The following PDE4B variants were observed in gnomAD, a reference collection of about 807,000 sequenced individuals.
PDE4B encodes the protein 3',5'-cyclic-AMP phosphodiesterase 4B.
Under a neutral mutation model 82.2 loss-of-function variants are expected in PDE4B, and 20 were observed. That is an observed-to-expected ratio of 0.24 (90% confidence interval 0.17 to 0.35). The LOEUF (loss-of-function observed/expected upper bound fraction) is 0.35. PDE4B is among the 10% of genes least tolerant of loss of function. The probability of loss-of-function intolerance (pLI) is 1.00; values close to 1 mark genes in which losing one functional copy is unlikely to be tolerated. For synonymous variants in PDE4B, 320 were observed against 318.9 expected (o/e 1.00, Z -0.04); for missense variants, 655 against 907.2 (o/e 0.72, Z 3.57).
intron 3 of PDE4B, among the ~76,000 whole-genome samples, chr1:66,246,812 C>G (rs981136858): frequency 2.0e-5 from 3 of 152,232 alleles, no homozygotes; most frequent in African/African-American, 7.2e-5. Context: ...AGACAAAGCT[C>G]TGCAGCCTTG....
intron 3 of PDE4B, among the ~76,000 whole-genome samples, chr1:66,185,922 T>C (rs1327062577): frequency 6.6e-6 from 1 of 152,186 alleles, no homozygotes; most frequent in East Asian, 1.9e-4. Flanking sequence ...TGCCTATGTC[T>C]TGAATGGCAT....
At chr1:65,814,987 A>G (rs1645864041) in intron 1 of PDE4B, among the ~76,000 whole-genome samples, 1 of 151,626 alleles carries the variant, frequency 6.6e-6, no homozygotes, top group South Asian at 2.1e-4. Flanking sequence ...TTTCCCAGCA[A>G]AAGTGTGTTC....
intron 1 of PDE4B, among the ~76,000 whole-genome samples, chr1:65,899,615 G>GTA (rs376060923): frequency 0.025 from 3,702 of 146,052 alleles, 143 homozygotes; most frequent in African/African-American, 0.086. Context: ...CGTTACATAT[G>GTA]TATATATATA....
intron 3 of PDE4B, among the ~76,000 whole-genome samples, chr1:66,233,712 G>C (rs949281422): frequency 1.4e-5 from 2 of 146,388 alleles, no homozygotes; most frequent in Non-Finnish European, 3.0e-5. Context: ...GTGTGTGTGT[G>C]TATAAAGGAT....
chr1:66,116,538 A>G (rs2101065316), intron 3 of PDE4B, among the ~76,000 whole-genome samples: 1 of 152,242 alleles, frequency 6.6e-6, no homozygotes, highest in East Asian at 1.9e-4. Context: ...TGAGGGTGTC[A>G]ACATCCGGAG....
At chr1:66,266,647 A>C (rs766045210) in intron 7 of PDE4B, 1 of 501,136 alleles carries the variant, frequency 2.0e-6, no homozygotes, top group Non-Finnish European at 4.0e-6. Flanking sequence ...TTTGTTTTTT[A>C]AGAACCTAAC....
chr1:65,981,609 T>G (rs1650693539), intron 3 of PDE4B, among the ~76,000 whole-genome samples: 1 of 151,996 alleles, frequency 6.6e-6, no homozygotes, highest in Non-Finnish European at 1.5e-5. Context: ...CAGATGTTTT[T>G]GGGTTCCAAT....
intron 3 of PDE4B, among the ~76,000 whole-genome samples, chr1:65,964,047 A>G (rs1359218896): frequency 6.6e-6 from 1 of 152,182 alleles, no homozygotes; most frequent in Non-Finnish European, 1.5e-5. Context: ...TGATAAGAAT[A>G]AAAAATATTT....
At chr1:66,209,430 G>GT (rs2101569651) in intron 3 of PDE4B, among the ~76,000 whole-genome samples, 1 of 152,212 alleles carries the variant, frequency 6.6e-6, no homozygotes, top group South Asian at 2.1e-4. Flanking sequence ...AGACCCAGCT[G>GT]TTTGTCTCCG....
chr1:66,249,987 A>G (rs1653626486), intron 4 of PDE4B, among the ~76,000 whole-genome samples: 1 of 152,186 alleles, frequency 6.6e-6, no homozygotes, highest in South Asian at 2.1e-4. Context: ...TATATTTGTC[A>G]GTTTTGGAAT....
intron 1 of PDE4B, among the ~76,000 whole-genome samples, chr1:65,841,329 G>C (rs940010081): frequency 1.3e-5 from 2 of 150,636 alleles, no homozygotes; most frequent in African/African-American, 4.9e-5. Context: ...AAAAGAGAGA[G>C]AGAGAAAGAA....
intron 3 of PDE4B, among the ~76,000 whole-genome samples, chr1:65,922,064 G>A (rs1405797739): frequency 6.6e-6 from 1 of 152,140 alleles, no homozygotes; most frequent in African/African-American, 2.4e-5. Flanking sequence ...AAAAAAGGCC[G>A]GGAATATAAG....
At chr1:66,115,487 T>G (rs1353091002) in intron 3 of PDE4B, among the ~76,000 whole-genome samples, 1 of 152,250 alleles carries the variant, frequency 6.6e-6, no homozygotes, top group East Asian at 1.9e-4. Context: ...ATTATTTTTA[T>G]GAATTCATCA....
intron 16 of PDE4B, among the ~76,000 whole-genome samples, chr1:66,370,991 G>A (rs2050737472): frequency 6.8e-6 from 1 of 147,306 alleles, no homozygotes; most frequent in South Asian, 2.1e-4. Context: ...TTTAAGGCTA[G>A]GAAAGCACCA....
intron 11 of PDE4B, 51 bp downstream of exon 11, chr1:66,363,317 A>ATTTTTTTTTTTTT: frequency 6.8e-7 from 1 of 1,467,538 alleles, no homozygotes; most frequent in Admixed American, 1.9e-5. Context: ...GCTCTTTATG[A>ATTTTTTTTTTTTT]TTTTTTTTTT....
intron 3 of PDE4B, among the ~76,000 whole-genome samples, chr1:66,241,592 G>T (rs965374684): frequency 6.6e-6 from 1 of 151,696 alleles, no homozygotes; most frequent in South Asian, 2.1e-4. Context: ...TGCAATCTCC[G>T]CCTTCCAGAT....
At chr1:66,047,091 A>C (rs1194833940) in intron 3 of PDE4B, among the ~76,000 whole-genome samples, 1 of 151,852 alleles carries the variant, frequency 6.6e-6, no homozygotes, top group Admixed American at 6.6e-5. Context: ...ATTTTTTAAG[A>C]CAATCAGTGA....
intron 3 of PDE4B, among the ~76,000 whole-genome samples, chr1:65,927,183 G>C (rs1647549352): frequency 6.6e-6 from 1 of 151,720 alleles, no homozygotes; most frequent in Non-Finnish European, 1.5e-5. Context: ...TGTCAGAGGA[G>C]AAATAAATGA....
chr1:66,160,555 C>G (rs770914692), intron 3 of PDE4B, among the ~76,000 whole-genome samples: 10 of 152,138 alleles, frequency 6.6e-5, no homozygotes, highest in Non-Finnish European at 2.9e-5. Context: ...CATTGCCATT[C>G]TTTTTACACC....
Sources: gnomAD v4.1 joint callset for allele counts (sites outside exome capture counted in the v4.1 genomes callset) on GRCh38, gnomAD v4.1.1 for gene constraint, MANE v1.5 for transcripts, NCBI Gene and HGNC (gene_info 2026-07-23, HGNC 2026-07-21) for gene names.